Variants in PRSS2 observed in about 807,000 individuals in gnomAD.
PRSS2 encodes serine protease 2.
A neutral mutation model predicts 19.2 loss-of-function variants in PRSS2; 19 were observed. The ratio of observed to expected loss-of-function variants is 0.99; its 90% CI spans 0.69 to 1.45. The LOEUF (loss-of-function observed/expected upper bound fraction) is 1.45, where lower values mean the gene tolerates loss of function less well. Ranked by LOEUF, PRSS2 falls within the 40% of genes most tolerant of loss-of-function variation. The probability of loss-of-function intolerance (pLI) is 0.00; values close to 1 mark genes in which losing one functional copy is unlikely to be tolerated. For missense variants in PRSS2, 288 were observed against 294.4 expected, an observed-to-expected ratio of 0.98 and a Z score of 0.16; for synonymous variants, 107 against 117.5, an observed-to-expected ratio of 0.91 and a Z score of 0.58.
intron 1 of PRSS2, among the ~76,000 whole-genome samples, chr7:142,771,318 C>G (rs1799863119): frequency 6.6e-6 from 1 of 152,236 alleles, no homozygotes; most frequent in Admixed American, 6.5e-5. Context: ...AGGCTTGGCT[C>G]TGACAGCACC....
rs1800185542 is a variant in PRSS2 at position 142,773,772 on chromosome 7, A to C, written c.455-147A>C. 6.3e-6 allele frequency: 8 copies of C among 1,278,712 alleles called. No individual in the cohort carries two copies. In the Admixed American group the frequency reaches 1.2e-4, roughly 19 times the overall value. 79.2% of individuals were successfully genotyped at this position (1,278,712 alleles called of 1,614,324 possible). A position where few individuals can be genotyped will look rare whatever the true frequency, so the allele number is the denominator to read the frequency against. On this transcript the variant is annotated intron_variant, in intron 3 of 4. Transcript: ENST00000539842. ...AGGTTCAACAATGATCATTCTGGGA[A>C]CTAAAAGCCAGAGTCCCTTGCCAGG...
chr7:142,774,406 C>G lies in PRSS2; in HGVS notation c.642C>G (p.Val214=), dbSNP rs1468421326. The change falls in exon 5 of 5, where the codon GTC becomes GTG. Residue 214 remains valine (V), a synonymous_variant. Coordinates refer to ENST00000539842, the MANE Select transcript of PRSS2 (RefSeq NM_002770.4). The part of the protein sequence containing the change: ...VVSNGELQGI[V]SWGYGCAQKN... ...CCAATGGAGAGCTCCAAGGAATTGTCTCCTGGGGCTATGGCTGTGCCCAGA... is the reference window on the plus strand; with the variant it reads ...CCAATGGAGAGCTCCAAGGAATTGTGTCCTGGGGCTATGGCTGTGCCCAGA... 9 of 1,571,438 alleles carry G rather than the reference C, an allele frequency of 5.7e-6. No individual in the cohort carries two copies. Among genetic ancestry groups the G allele is most frequent in the Non-Finnish European group, 3.5e-6 (4 of 1,141,732 alleles).
chr7:142,774,367 T>C lies in PRSS2; in HGVS notation c.603T>C (p.Gly201=). ...GGKDSCQGDS[G]GPVVSNGELQ... ...CTTCTTCCCCCCAGGGTGATTCTGG[T>C]GGCCCTGTGGTCTCCAATGGAGAGC... The change falls in exon 5 of 5, where the codon GGT becomes GGC. Residue 201 remains glycine (G), a synonymous_variant. Transcript: ENST00000539842. 7.5e-7 allele frequency: 1 copy of C among 1,339,810 alleles called. No individual in the cohort carries two copies. Among genetic ancestry groups the C allele is most frequent in the Non-Finnish European group, 1.1e-6 (1 of 929,510 alleles). The allele number at this position is 1,339,810 out of a possible 1,614,324, so 83.0% of individuals were successfully genotyped here.
intron 2 of PRSS2, 77 bp downstream of exon 2, chr7:142,772,285 T>C: frequency 1.9e-6 from 3 of 1,543,854 alleles, no homozygotes; most frequent in Admixed American, 3.3e-5. Context: ...AGGGAAGTAC[T>C]GAGGTTGGGT....
At position 142,773,937 on chromosome 7, in the gene PRSS2, T is replaced by G. The variant is rs1205016787; in HGVS notation, c.473T>G (p.Leu158Arg). 1.1e-5 allele frequency: 18 copies of G among 1,613,204 alleles called. No homozygotes were observed. The East Asian group carries it at 4.0e-4, about 36-fold the overall frequency. ...CTCACAGCCGACTACCCAGACGAGC[T>G]GCAGTGCCTGGATGCTCCTGTGCTG... ...LSSGADYPDE[L>R]QCLDAPVLSQ... The change falls in exon 4 of 5, where the codon CTG becomes CGG. Residue 158 changes from leucine (L) to arginine (R), a missense_variant. Physicochemically the swap from Leu to Arg is moderately radical, Grantham distance 102. Transcript: ENST00000539842.
At position 142,770,995 on chromosome 7, in the gene PRSS2, C is replaced by G; in HGVS notation, c.13C>G (p.Leu5Val). 1 of 639,948 alleles carries G rather than the reference C, an allele frequency of 1.6e-6. No homozygotes were observed. The highest frequency in any genetic ancestry group is 2.9e-6 in the Non-Finnish European group (1 of 348,762). The allele number at this position is 639,948 out of a possible 1,614,324, so 39.6% of individuals were successfully genotyped here. MNLLLILTFVAAAVA... is the reference protein window; with the variant it reads MNLLVILTFVAAAVA... Reference sequence around the variant, plus strand: ...ACACTCTACCACCATGAATCTACTTCTGATCCTTACCTTTGTTGCAGCTGC... The same window carrying G: ...ACACTCTACCACCATGAATCTACTTGTGATCCTTACCTTTGTTGCAGCTGC... The change falls in exon 1 of 5, where the codon CTG (leucine) becomes GTG (valine). Residue 5 changes from leucine to valine, a missense_variant. By Grantham distance (32) the Leu-to-Val change is conservative (BLOSUM62 1). Coordinates refer to ENST00000539842, the MANE Select transcript of PRSS2 (RefSeq NM_002770.4).
chr7:142,772,462 C>A (rs1282908000), intron 2 of PRSS2: 2 of 722,740 alleles, frequency 2.8e-6, no homozygotes, highest in Non-Finnish European at 5.0e-6. Context: ...GTGGTGAGAG[C>A]TAGTGAGAAG....
In PRSS2 at chr7:142,773,611, C is replaced by T. The variant is rs1800160684; in HGVS notation, c.454+92C>T. ...TAACTTAAATCCTCTCGCCTCCAGG[C>T]TTAAGACACATTTCTAGTGCCCATT... On this transcript the variant is annotated intron_variant, in intron 3 of 4. Transcript: ENST00000539842. The T allele has an allele frequency of 1.5e-5, 9 of 600,682 alleles. No individual in the cohort carries two copies. The South Asian group carries it at 2.0e-4, about 13-fold the overall frequency. 37.2% of individuals were successfully genotyped at this position (600,682 alleles called of 1,614,324 possible).
chr7:142,772,249 T>A, intron 2 of PRSS2, 41 bp downstream of exon 2: 3 of 1,607,648 alleles, frequency 1.9e-6, no homozygotes, highest in Non-Finnish European at 2.6e-6. Flanking sequence ...CCAGCCAGGC[T>A]GCCTGGGAGA....
rs1247830062 is a variant in PRSS2 at position 142,773,276 on chromosome 7, G to A, written c.211G>A (p.Val71Met). The A allele has an allele frequency of 8.7e-6, 14 of 1,614,138 alleles. No homozygotes were observed. The highest frequency in any genetic ancestry group is 1.1e-5 in the Non-Finnish European group (13 of 1,180,058). ...AGHCYKSRIQVRLGEHNIEVL... is the reference protein window; with the variant it reads ...AGHCYKSRIQMRLGEHNIEVL... ...TGCCCTGCCCATCAGCCGCATCCAG[G>A]TGAGACTGGGAGAGCACAACATCGA... The change falls in exon 3 of 5, where the codon GTG becomes ATG. Residue 71 changes from valine to methionine, a missense_variant. Transcript: ENST00000539842.
rs750592339 is a variant in PRSS2, at chr7:142,772,213, G to T, written c.200+5G>T. 6.2e-7 allele frequency: 1 copy of T among 1,613,668 alleles called. No individual in the cohort carries two copies. The highest frequency in any genetic ancestry group is 1.1e-5 in the South Asian group (1 of 91,062). On this transcript the variant is annotated splice_donor_5th_base_variant and intron_variant, in intron 2 of 4. Coordinates refer to ENST00000539842, the MANE Select transcript of PRSS2 (RefSeq NM_002770.4). ...AGCAGGTCACTGCTACAAGTCGTAA[G>T]TGTGGGGCCCCTGACTGCAAAACTC...
chr7:142,771,902 G>A, intron 1 of PRSS2, 147 bp from the exon 2 acceptor site: 1 of 1,284,720 alleles, frequency 7.8e-7, no homozygotes, highest in Non-Finnish European at 1.1e-6. Flanking sequence ...ATCCAGTGAT[G>A]ATCACCAGGG....
At chr7:142,771,390 A>AT (rs1469030103) in intron 1 of PRSS2, among the ~76,000 whole-genome samples, 5 of 152,136 alleles carry the variant, frequency 3.3e-5, no homozygotes, top group Non-Finnish European at 7.3e-5. Flanking sequence ...GAAATTACTC[A>AT]TGCAAGACAC....
At chr7:142,772,594 G>A in intron 2 of PRSS2, 2 of 678,200 alleles carry the variant, frequency 2.9e-6, no homozygotes, top group Non-Finnish European at 2.7e-6. Context: ...GGAAGAGGGT[G>A]TGAATATCAG....
chr7:142,773,200 T>G, intron 2 of PRSS2, 66 bp from the exon 3 acceptor site: 2 of 1,596,608 alleles, frequency 1.3e-6, no homozygotes, highest in Non-Finnish European at 1.7e-6. Flanking sequence ...TAAGGACCCA[T>G]GGAAAGGTGG....
Position 142,774,346 on chromosome 7 carries a change from T to C in PRSS2, c.592-10T>C. 8.2e-7 allele frequency: 1 copy of C among 1,221,726 alleles called. No homozygotes were observed. The highest frequency in any genetic ancestry group is 1.2e-6 in the Non-Finnish European group (1 of 820,588). 75.7% of individuals were successfully genotyped at this position (1,221,726 alleles called of 1,614,324 possible). ...CTCTCTTCATACAACTTGTCCCTTC[T>C]TCCCCCCAGGGTGATTCTGGTGGCC... On this transcript the variant is annotated splice_polypyrimidine_tract_variant and intron_variant, in intron 4 of 4. Coordinates refer to ENST00000539842, the MANE Select transcript of PRSS2 (RefSeq NM_002770.4).
rs1022013917 is a variant in PRSS2, at chr7:142,771,963, C to G, written c.41-86C>G. 44 of 1,592,608 alleles carry G rather than the reference C, an allele frequency of 2.8e-5. No homozygotes were observed. The African/African-American group carries it at 5.0e-4, about 18-fold the overall frequency. ...GCCTCACTGAGCTTGTTAAGGTTTT[C>G]TAATTAGCAGGAAGCAGCCACAGGC... On this transcript the variant is annotated intron_variant, in intron 1 of 4. Coordinates refer to ENST00000539842, the MANE Select transcript of PRSS2 (RefSeq NM_002770.4).
chr7:142,773,252 G>T lies in PRSS2; in HGVS notation c.201-14G>T, dbSNP rs768137010. On this transcript the variant is annotated splice_polypyrimidine_tract_variant and intron_variant, in intron 2 of 4. Coordinates refer to ENST00000539842, the MANE Select transcript of PRSS2 (RefSeq NM_002770.4). ...GTGGGAGAAGGTCTTCACCATGCCT[G>T]CCCTGCCCATCAGCCGCATCCAGGT... 5 of 1,614,224 alleles carry T rather than the reference G, an allele frequency of 3.1e-6. No homozygotes were observed. The South Asian group carries it at 4.4e-5, about 14-fold the overall frequency.
chr7:142,772,324 A>G (rs1586038668), intron 2 of PRSS2, 116 bp downstream of exon 2: 1 of 1,412,230 alleles, frequency 7.1e-7, no homozygotes, highest in Non-Finnish European at 1.0e-6. Flanking sequence ...GGTGGAAAAG[A>G]AAACTTGTTG....
Sources: gnomAD v4.1 joint callset for allele counts (sites outside exome capture counted in the v4.1 genomes callset) on GRCh38, gnomAD v4.1.1 for gene constraint, MANE v1.5 for transcripts, NCBI Gene and HGNC (gene_info 2026-07-23, HGNC 2026-07-21) for gene names.